Variants in RFC3 observed in about 807,000 individuals in gnomAD.
RFC3 encodes replication factor C subunit 3.
In RFC3, 41 loss-of-function variants were observed where a neutral mutation model predicts 45.1. The ratio of observed to expected loss-of-function variants is 0.91; its 90% CI spans 0.71 to 1.18. RFC3 has a LOEUF of 1.18. RFC3 is among the 50% of genes most tolerant of loss of function. RFC3 has a pLI of 0.00. For synonymous variants in RFC3, 149 were observed against 144.0 expected (o/e 1.03, Z -0.25); for missense variants, 423 against 428.1 (o/e 0.99, Z 0.10).
At chr13:33,849,640 G>A (rs945498196) in intron 8 of RFC3, 1 of 152,068 alleles carries the variant, frequency 6.6e-6, no homozygotes, top group South Asian at 2.1e-4. Context: ...CCCAAAGGAG[G>A]CCGAGGCTGG....
At chr13:33,872,706 C>G (rs1474405743) in intron 8 of RFC3, among the ~76,000 whole-genome samples, 1 of 151,076 alleles carries the variant, frequency 6.6e-6, no homozygotes, top group Non-Finnish European at 1.5e-5. Context: ...GTACTCCAGG[C>G]TGGGCAACAA....
At chr13:33,832,034 G>A (rs897911942) in intron 7 of RFC3, among the ~76,000 whole-genome samples, 1 of 152,156 alleles carries the variant, frequency 6.6e-6, no homozygotes, top group South Asian at 2.1e-4. Context: ...AATTGCTTCC[G>A]TTACTTCTGT....
Position 33,858,947 on chromosome 13 carries a change from C to A in RFC3, c.879+23730C>A, listed in dbSNP as rs1463901009. On this transcript the variant is annotated intron_variant, in intron 8 of 8. Coordinates refer to the RFC3 transcript ENST00000434425. The stretch of plus-strand genomic sequence containing the variant: ...AATTTGAAACTCCATTCACAACATA[C>A]AGTATACACATCCTCAAATGCTGAA... Among the ~76,000 whole-genome samples the A allele has an allele frequency of 2.0e-5, 3 of 152,154 alleles. No individual in the cohort carries two copies. In the East Asian group the frequency reaches 5.8e-4, roughly 29 times the overall value.
rs1215638234 is a variant in RFC3 at position 33,821,009 on chromosome 13, C to G, written c.88-123C>G. 3.5e-6 allele frequency: 3 copies of G among 859,434 alleles called. No individual in the cohort carries two copies. The East Asian group carries it at 7.8e-5, about 22-fold the overall frequency. The allele number at this position is 859,434 out of a possible 1,614,324, so 53.2% of individuals were successfully genotyped here. ...CACATATATAAAAAATTGGGTGTATCTACTCATGAACTGGGAGTTTCATGG... is the reference window on the plus strand; with the variant it reads ...CACATATATAAAAAATTGGGTGTATGTACTCATGAACTGGGAGTTTCATGG... On this transcript the variant is annotated intron_variant, in intron 1 of 8. Transcript: ENST00000380071.
chr13:33,832,507 G>A (rs3135615), intron 7 of RFC3, among the ~76,000 whole-genome samples: 33,408 of 152,070 alleles, frequency 0.22, 5,703 homozygotes, highest in African/African-American at 0.45. Context: ...GTGGATAGTG[G>A]ATCATACATA....
intron 8 of RFC3, among the ~76,000 whole-genome samples, chr13:33,928,436 A>G (rs555812021): frequency 2.0e-5 from 3 of 152,282 alleles, no homozygotes; most frequent in South Asian, 2.1e-4. Context: ...CTCATAAACC[A>G]GAAGTCAGAG....
At chr13:33,915,409 G>A (rs1367712084) in intron 8 of RFC3, among the ~76,000 whole-genome samples, 8 of 152,072 alleles carry the variant, frequency 5.3e-5, no homozygotes, top group Admixed American at 3.3e-4. Context: ...TGTTCAGTGC[G>A]TGGACCATAA....
intron 8 of RFC3, among the ~76,000 whole-genome samples, chr13:33,865,740 A>G (rs543129976): frequency 1.3e-5 from 2 of 152,246 alleles, no homozygotes; most frequent in East Asian, 3.9e-4. Flanking sequence ...AGAGGTGTAA[A>G]TAAACTTTAT....
Position 33,831,491 on chromosome 13 carries a change from A to G in RFC3, c.809+137A>G, listed in dbSNP as rs113486611. The G allele has an allele frequency of 2.0e-3, 1,160 of 572,424 alleles. 7 individuals carry two copies. Among genetic ancestry groups the G allele is most frequent in the African/African-American group, 0.018 (970 of 52,570 alleles). 35.5% of individuals were successfully genotyped at this position (572,424 alleles called of 1,614,324 possible). A position where few individuals can be genotyped will look rare whatever the true frequency, so the allele number is the denominator to read the frequency against. On this transcript the variant is annotated intron_variant, in intron 7 of 8. Coordinates refer to ENST00000380071, the MANE Select transcript of RFC3 (RefSeq NM_002915.4). ...TGTATTAACTTTTTAAGGAAAATGT[A>G]GCATTTAACTTCAGAAATTTAGTGG...
At chr13:33,895,337 T>A (rs1211861902) in intron 8 of RFC3, among the ~76,000 whole-genome samples, 2 of 152,160 alleles carry the variant, frequency 1.3e-5, no homozygotes, top group Admixed American at 1.3e-4. Flanking sequence ...GAGTACATGA[T>A]AGACATTTCT....
chr13:33,971,196 C>T (rs1035416071), downstream of RFC3, among the ~76,000 whole-genome samples: 3 of 152,144 alleles, frequency 2.0e-5, no homozygotes, highest in South Asian at 2.1e-4. Flanking sequence ...CTCTCTTTTG[C>T]GATCATTTCA....
At chr13:33,946,650 TAAAC>T (rs1343915432) in intron 8 of RFC3, among the ~76,000 whole-genome samples, 1 of 152,218 alleles carries the variant, frequency 6.6e-6, no homozygotes, top group Non-Finnish European at 1.5e-5. Flanking sequence ...ATTACCCTAA[TAAAC>T]AAATCTACTG....
At chr13:33,972,150 A>G in the RFC3 span, among the ~76,000 whole-genome samples, 1 of 152,196 alleles carries the variant, frequency 6.6e-6, no homozygotes, top group East Asian at 1.9e-4. Flanking sequence ...ATAAAATGGT[A>G]ATACTTTTTG....
At chr13:33,957,235 A>AAGAT (rs2035992014) in intron 8 of RFC3, among the ~76,000 whole-genome samples, 1 of 152,246 alleles carries the variant, frequency 6.6e-6, no homozygotes, top group South Asian at 2.1e-4. Context: ...TGAAAAGCTG[A>AAGAT]AGATAGTAAT....
chr13:33,854,591 T>A (rs969486183), intron 8 of RFC3, among the ~76,000 whole-genome samples: 1 of 152,148 alleles, frequency 6.6e-6, no homozygotes, highest in African/African-American at 2.4e-5. Context: ...CCCAAGTAGT[T>A]CCATAGCTAC....
In RFC3 at chr13:33,836,514, C is replaced by CT; in HGVS notation, c.*220dup. ...GTACATAACTTAGAGACTTTAGAGTCTAAGAAAATGATCTTAATTTACTTT... is the reference window on the plus strand; with the variant it reads ...GTACATAACTTAGAGACTTTAGAGTCTTAAGAAAATGATCTTAATTTACTTT... On this transcript the variant is annotated 3_prime_UTR_variant, in exon 9 of 9. Coordinates refer to ENST00000380071, the MANE Select transcript of RFC3 (RefSeq NM_002915.4). 1 of 1,250,656 alleles carries CT rather than the reference C, an allele frequency of 8.0e-7. No homozygotes were observed. The highest frequency in any genetic ancestry group is 1.5e-5 in the African/African-American group (1 of 66,456). 77.5% of individuals were successfully genotyped at this position (1,250,656 alleles called of 1,614,324 possible). A position where few individuals can be genotyped will look rare whatever the true frequency, so the allele number is the denominator to read the frequency against.
At chr13:33,872,916 T>C (rs971541756) in intron 8 of RFC3, among the ~76,000 whole-genome samples, 4 of 151,816 alleles carry the variant, frequency 2.6e-5, no homozygotes, top group African/African-American at 9.7e-5. Context: ...ATGTTTTCAT[T>C]TGGGCTTGTA....
chr13:33,818,291 G>A, intron 1 of RFC3, 26 bp downstream of exon 1: 4 of 1,600,272 alleles, frequency 2.5e-6, no homozygotes, highest in Non-Finnish European at 3.4e-6. Context: ...CCGGGAGCGT[G>A]GGAGAGGGGA....
the RFC3 span, among the ~76,000 whole-genome samples, chr13:33,971,682 A>C: frequency 6.6e-6 from 1 of 152,254 alleles, no homozygotes; most frequent in Non-Finnish European, 1.5e-5. Context: ...TCACAAGAAC[A>C]TACCAAGTTG....
Sources: allele counts gnomAD v4.1 joint callset (sites outside exome capture counted in the v4.1 genomes callset), GRCh38; gene constraint gnomAD v4.1.1; transcripts MANE v1.5; gene names NCBI Gene and HGNC (gene_info 2026-07-23, HGNC 2026-07-21).